RAB27B: variants seen among roughly 807,000 people sequenced by gnomAD.
RAB27B encodes the protein ras-related protein Rab-27B.
A neutral mutation model predicts 24.6 loss-of-function variants in RAB27B; 15 were observed. That is an observed-to-expected ratio of 0.61 (90% confidence interval 0.41 to 0.94). RAB27B has a LOEUF of 0.94. RAB27B is among the 40% of genes least tolerant of loss of function. The pLI, the probability that RAB27B is intolerant of heterozygous loss-of-function variation, is 0.00. For missense variants in RAB27B, 261 were observed against 266.8 expected (o/e 0.98, Z 0.15); for synonymous variants, 105 against 92.5 (o/e 1.14, Z -0.78).
chr18:54,751,981 G>T (rs868773756), intron 2 of RAB27B, among the ~76,000 whole-genome samples: 4 of 152,086 alleles, frequency 2.6e-5, no homozygotes, highest in Admixed American at 2.6e-4. Flanking sequence ...CTCAGTGGCC[G>T]CAACAGGCTC....
intron 2 of RAB27B, among the ~76,000 whole-genome samples, chr18:54,728,165 CA>C (rs1909601790): frequency 6.6e-6 from 1 of 152,038 alleles, no homozygotes; most frequent in Admixed American, 6.6e-5. Context: ...AGGAACACAC[CA>C]AAAAAGCTCC....
intron 1 of RAB27B, among the ~76,000 whole-genome samples, chr18:54,830,610 AT>A (rs372819448): frequency 0.035 from 5,227 of 150,906 alleles, 138 homozygotes; most frequent in Admixed American, 0.078. Context: ...AATGGGAATG[AT>A]TTTTTTTTTA....
chr18:54,803,712 C>T (rs1400320131), intron 2 of RAB27B, among the ~76,000 whole-genome samples: 1 of 152,112 alleles, frequency 6.6e-6, no homozygotes. Flanking sequence ...TTCTGCTGGA[C>T]TGGCAGTATG....
intron 1 of RAB27B, among the ~76,000 whole-genome samples, chr18:54,836,651 A>T (rs1411887185): frequency 6.6e-6 from 1 of 152,014 alleles, no homozygotes; most frequent in African/African-American, 2.4e-5. Context: ...ATATTTTATA[A>T]CCAGTAGAAT....
chr18:54,851,670 T>C (rs965025499), intron 1 of RAB27B, among the ~76,000 whole-genome samples: 4 of 152,184 alleles, frequency 2.6e-5, no homozygotes, highest in African/African-American at 9.7e-5. Context: ...TGCATCTTGT[T>C]TGTCTGCTTT....
rs1912759467 is a variant in RAB27B at position 54,877,666 on chromosome 18, T to C, written c.81T>C (p.Tyr27=). 3.8e-6 allele frequency: 6 copies of C among 1,597,952 alleles called. No individual in the cohort carries two copies. Among genetic ancestry groups the C allele is most frequent in the Non-Finnish European group, 5.1e-6 (6 of 1,175,478 alleles). ...DSGVGKTTFL[Y]RYTDNKFNPK... is the part of the protein sequence containing the mutation. ...GGGTGGGGAAGACAACATTTCTTTA[T>C]AGATACACAGATAATAAATTCAATC... The change falls in exon 2 of 6, where the codon TAT becomes TAC. Residue 27 remains tyrosine, a synonymous_variant. Transcript: ENST00000262094.
At chr18:54,776,175 A>G (rs1311595198) in intron 2 of RAB27B, among the ~76,000 whole-genome samples, 1 of 152,240 alleles carries the variant, frequency 6.6e-6, no homozygotes, top group Non-Finnish European at 1.5e-5. Context: ...TGAGGAAAGA[A>G]ATTTGCCCAT....
chr18:54,810,702 C>A (rs1174707314), intron 2 of RAB27B, among the ~76,000 whole-genome samples: 2 of 151,828 alleles, frequency 1.3e-5, no homozygotes, highest in African/African-American at 2.4e-5. Flanking sequence ...TGGTGGCGGG[C>A]ACCTGTAATC....
intron 5 of RAB27B, 74 bp downstream of exon 5, chr18:54,888,192 G>A (rs900773727): frequency 1.1e-5 from 16 of 1,499,486 alleles, no homozygotes; most frequent in African/African-American, 1.4e-5. Context: ...ACATTAGATT[G>A]ATATTAGAAG....
At position 54,815,887 on chromosome 18, in the gene RAB27B, G is replaced by T. The variant is rs527530456; in HGVS notation, c.-19-61680G>T. On this transcript the variant is annotated intron_variant, in intron 2 of 4. Coordinates refer to the RAB27B transcript ENST00000586570. Reference sequence around the variant, plus strand: ...GATCCACCCACCTCGGCCTCCCAAAGTGCTGGGATTACAGGCGTGATCCAC... The same window carrying T: ...GATCCACCCACCTCGGCCTCCCAAATTGCTGGGATTACAGGCGTGATCCAC... 3.9e-5 allele frequency among the ~76,000 whole-genome samples: 6 copies of T among 152,170 alleles called. No homozygotes were observed. In the East Asian group the frequency reaches 1.2e-3, roughly 29 times the overall value.
intron 2 of RAB27B, among the ~76,000 whole-genome samples, chr18:54,744,166 A>G (rs1297276920): frequency 1.3e-5 from 2 of 152,204 alleles, no homozygotes; most frequent in African/African-American, 2.4e-5. Context: ...GGCTACTTGT[A>G]TATCTCCTAG....
In RAB27B at chr18:54,884,396, C is replaced by T; in HGVS notation, c.303C>T (p.Leu101=). The T allele has an allele frequency of 6.2e-7, 1 of 1,612,558 alleles. No homozygotes were observed. Among genetic ancestry groups the T allele is most frequent in the South Asian group, 1.1e-5 (1 of 91,002 alleles). ...TGGGCTTCTTATTAATGTTTGACCT[C>T]ACCAGTCAACAGAGCTTCTTAAATG... The part of the protein sequence containing the change: ...DAMGFLLMFD[L]TSQQSFLNVR... Residue 101 remains leucine (L), a synonymous_variant, in exon 4 of 6, where the codon CTC becomes CTT. Transcript: ENST00000262094.
chr18:54,797,283 T>C (rs1909453061), intron 2 of RAB27B, among the ~76,000 whole-genome samples: 1 of 152,210 alleles, frequency 6.6e-6, no homozygotes, highest in South Asian at 2.1e-4. Flanking sequence ...TCTAGCACTT[T>C]GTGAGGCCGA....
chr18:54,819,531 C>CA (rs33940922), intron 2 of RAB27B, among the ~76,000 whole-genome samples: 5,686 of 64,520 alleles, frequency 0.088, 499 homozygotes, highest in East Asian at 0.52. Flanking sequence ...GACTCCATCT[C>CA]AAAAAAAAAA....
rs57299942 is a variant in RAB27B, at chr18:54,879,358, G to T, written c.154-11G>T. 1 of 1,600,780 alleles carries T rather than the reference G, an allele frequency of 6.2e-7. No individual in the cohort carries two copies. ...AAAGCAACCTCAACTAATGAACGTTGTATCTTTCAGGTTTATAATGCACAA... is the reference window on the plus strand; with the variant it reads ...AAAGCAACCTCAACTAATGAACGTTTTATCTTTCAGGTTTATAATGCACAA... On this transcript the variant is annotated splice_polypyrimidine_tract_variant and intron_variant, in intron 2 of 5. Coordinates refer to ENST00000262094, the MANE Select transcript of RAB27B (RefSeq NM_004163.4).
upstream of RAB27B, among the ~76,000 whole-genome samples, chr18:54,824,542 G>C (rs956772718): frequency 6.6e-6 from 1 of 152,160 alleles, no homozygotes; most frequent in Non-Finnish European, 1.5e-5. Flanking sequence ...AGAGCTCTTC[G>C]TTGGTTCTTC....
intron 2 of RAB27B, among the ~76,000 whole-genome samples, chr18:54,787,358 G>A (rs1247407427): frequency 6.6e-6 from 1 of 152,198 alleles, no homozygotes; most frequent in Non-Finnish European, 1.5e-5. Context: ...CTAAAAGTGA[G>A]CAAAGAATCA....
intron 2 of RAB27B, among the ~76,000 whole-genome samples, chr18:54,783,519 T>A (rs948753141): frequency 2.8e-5 from 4 of 144,998 alleles, no homozygotes; most frequent in African/African-American, 1.0e-4. Context: ...ATGTATAGCA[T>A]AATACATAGT....
intron 2 of RAB27B, among the ~76,000 whole-genome samples, chr18:54,767,726 T>A (rs1381958419): frequency 2.0e-5 from 3 of 152,202 alleles, no homozygotes; most frequent in Non-Finnish European, 4.4e-5. Flanking sequence ...TTATTTTGCC[T>A]GTTTCCCACA....
Sources: allele counts gnomAD v4.1 joint callset (sites outside exome capture counted in the v4.1 genomes callset), GRCh38; gene constraint gnomAD v4.1.1; transcripts MANE v1.5; gene names NCBI Gene and HGNC (gene_info 2026-07-23, HGNC 2026-07-21).